Variants in MTBP observed in about 807,000 individuals in gnomAD.
The protein encoded by MTBP is MDM2 binding protein, also known as mdm2-binding protein.
Under a neutral mutation model 117.0 loss-of-function variants are expected in MTBP, and 101 were observed. That is an observed-to-expected ratio of 0.86 (90% CI 0.73 to 1.02). The LOEUF is 1.02. Ranked by LOEUF, MTBP falls within the 50% of genes least tolerant of loss-of-function variation. The pLI is 0.00. For missense variants in MTBP, 970 were observed against 1,030.9 expected (o/e 0.94, Z 0.81); for synonymous variants, 350 against 351.5 (o/e 1.00, Z 0.05).
intron 7 of MTBP, among the ~76,000 whole-genome samples, chr8:120,457,487 A>T (rs910143465): frequency 6.6e-6 from 1 of 152,158 alleles, no homozygotes; most frequent in South Asian, 2.1e-4. Flanking sequence ...ACCCTTAATA[A>T]TGGTTTAATA....
In MTBP at chr8:120,451,056, G is replaced by A. The variant is rs1813329683; in HGVS notation, c.253G>A (p.Ala85Thr). Residue 85 changes from alanine (A) to threonine (T), a missense_variant, in exon 3 of 22, where the codon GCA becomes ACA. Coordinates refer to ENST00000305949, the MANE Select transcript of MTBP (RefSeq NM_022045.5). ...CAAGAAGTGGTTCTTTGCAGTGCAGGCAATATATGGATTTTATCAGGTAAT... is the reference window on the plus strand; with the variant it reads ...CAAGAAGTGGTTCTTTGCAGTGCAGACAATATATGGATTTTATCAGGTAAT... ...GSKKWFFAVQAIYGFYQFCSS... is the reference protein window; with the variant it reads ...GSKKWFFAVQTIYGFYQFCSS... 6.2e-7 allele frequency: 1 copy of A among 1,611,922 alleles called. No individual in the cohort carries two copies. The highest frequency in any genetic ancestry group is 2.2e-5 in the East Asian group (1 of 44,782).
chr8:120,518,785 C>T lies in MTBP; in HGVS notation c.2578C>T (p.Arg860Cys), dbSNP rs974620841. The T allele has an allele frequency of 4.3e-6, 7 of 1,611,424 alleles. No homozygotes were observed. The East Asian group carries it at 6.7e-5, about 15-fold the overall frequency. ...THECFTACSQ[R>C]LFEISKFYLK... ...TGAATGTTTCACTGCATGCAGCCAG[C>T]GTCTCTTTGAAATCTCTAAGTTCTA... Residue 860 changes from arginine (R) to cysteine (C), a missense_variant, in exon 20 of 22, where the codon CGT becomes TGT. Transcript: ENST00000305949.
At chr8:120,507,564 G>A (rs992828998) in intron 16 of MTBP, among the ~76,000 whole-genome samples, 1 of 151,992 alleles carries the variant, frequency 6.6e-6, no homozygotes, top group African/African-American at 2.4e-5. Flanking sequence ...CTTAAAAATT[G>A]TAGATCACTT....
chr8:120,462,013 T>C (rs1813590710), intron 9 of MTBP, among the ~76,000 whole-genome samples: 1 of 152,152 alleles, frequency 6.6e-6, no homozygotes, highest in Non-Finnish European at 1.5e-5. Flanking sequence ...CTGAGAACTG[T>C]TTGTAGTCTA....
chr8:120,500,920 G>A lies in MTBP; in HGVS notation c.1610-1572G>A, dbSNP rs192589850. Among the ~76,000 whole-genome samples the A allele has an allele frequency of 8.0e-3, 1,216 of 151,896 alleles. 20 individuals carry two copies. The highest frequency in any genetic ancestry group is 0.027 in the African/African-American group (1,110 of 41,426). On this transcript the variant is annotated intron_variant, in intron 14 of 21. Transcript: ENST00000305949. ...AAAAATACAAAAATAGGCCAGGCGC[G>A]GTGGCTCACACCTGTAATCCCAGCA...
At chr8:120,509,705 A>G (rs1459084111) in intron 16 of MTBP, among the ~76,000 whole-genome samples, 29 of 152,236 alleles carry the variant, frequency 1.9e-4, no homozygotes, top group Non-Finnish European at 4.0e-4. Flanking sequence ...AGTTTTGTGC[A>G]ATAAATAACA....
At position 120,470,756 on chromosome 8, in the gene MTBP, A is replaced by G. The variant is rs925725882; in HGVS notation, c.1048-64A>G. On this transcript the variant is annotated intron_variant, in intron 10 of 21. Transcript: ENST00000305949. ...GTGAAATATGAGTGGAAAATTGTCA[A>G]CTGGCACTATTCAAGAATGAATCTC... is the stretch of plus-strand genomic sequence containing the variant. 61 of 1,179,706 alleles carry G rather than the reference A, an allele frequency of 5.2e-5. No individual in the cohort carries two copies. The African/African-American group carries it at 7.3e-4, about 14-fold the overall frequency. 73.1% of individuals were successfully genotyped at this position (1,179,706 alleles called of 1,614,324 possible). A position where few individuals can be genotyped will look rare whatever the true frequency, so the allele number is the denominator to read the frequency against.
intron 2 of MTBP, among the ~76,000 whole-genome samples, chr8:120,449,993 G>T (rs1486840308): frequency 1.3e-5 from 2 of 152,158 alleles, no homozygotes; most frequent in African/African-American, 4.8e-5. Context: ...TTGAGGAAGA[G>T]CTAAGAAAGT....
chr8:120,458,230 T>C (rs929225303), intron 7 of MTBP, among the ~76,000 whole-genome samples: 1 of 152,206 alleles, frequency 6.6e-6, no homozygotes, highest in Non-Finnish European at 1.5e-5. Flanking sequence ...TCTAGAGTTA[T>C]ATTGCCTACA....
At chr8:120,517,012 G>A (rs1053650080) in intron 18 of MTBP, among the ~76,000 whole-genome samples, 2 of 151,814 alleles carry the variant, frequency 1.3e-5, no homozygotes, top group African/African-American at 4.8e-5. Context: ...TACATTTGGG[G>A]TACTATATTT....
At position 120,451,105 on chromosome 8, in the gene MTBP, T is replaced by C. The variant is rs201377508; in HGVS notation, c.273+29T>C. 1.6e-4 allele frequency: 261 copies of C among 1,586,282 alleles called. 1 individual carries two copies. The African/African-American group carries it at 3.3e-3, about 20-fold the overall frequency. On this transcript the variant is annotated intron_variant, in intron 3 of 21. Coordinates refer to ENST00000305949, the MANE Select transcript of MTBP (RefSeq NM_022045.5). ...ATATAAATTTAAAGATAGCTACTAA[T>C]GAATGTCTTTACTAATATAAATAAT...
intron 10 of MTBP, among the ~76,000 whole-genome samples, chr8:120,467,644 G>A (rs1813726864): frequency 6.6e-6 from 1 of 152,096 alleles, no homozygotes; most frequent in Non-Finnish European, 1.5e-5. Flanking sequence ...ATGTTATTTG[G>A]CGTTTATATT....
intron 16 of MTBP, among the ~76,000 whole-genome samples, chr8:120,509,327 C>T (rs1563804496): frequency 6.6e-6 from 1 of 152,196 alleles, no homozygotes; most frequent in Non-Finnish European, 1.5e-5. Context: ...CTTGGCTGGA[C>T]GCAGTGGCTC....
At chr8:120,518,207 G>A (rs2130622506) in intron 19 of MTBP, 107 bp downstream of exon 19, 1 of 1,264,752 alleles carries the variant, frequency 7.9e-7, no homozygotes, top group Non-Finnish European at 1.1e-6. Context: ...ATGAAACGAT[G>A]TCTAGAATTT....
chr8:120,450,557 C>G (rs568213100), intron 2 of MTBP, among the ~76,000 whole-genome samples: 1 of 152,100 alleles, frequency 6.6e-6, no homozygotes, highest in Non-Finnish European at 1.5e-5. Flanking sequence ...TCTTCCTTAT[C>G]TTTAGACTGG....
chr8:120,498,016 G>A (rs958691983), intron 14 of MTBP, among the ~76,000 whole-genome samples: 3 of 152,152 alleles, frequency 2.0e-5, no homozygotes, highest in Admixed American at 2.0e-4. Context: ...AAATCATTTC[G>A]TTATTTAGTT....
intron 4 of MTBP, chr8:120,452,233 T>C (rs1311784023): frequency 6.6e-6 from 1 of 152,224 alleles, no homozygotes. Flanking sequence ...ACTGCTCTTA[T>C]TTTAGTATTC....
chr8:120,474,350 G>A (rs768528734), intron 11 of MTBP, among the ~76,000 whole-genome samples: 24 of 151,894 alleles, frequency 1.6e-4, no homozygotes, highest in Non-Finnish European at 2.5e-4. Context: ...CCTCTCTGTA[G>A]GATAAATTCT....
intron 14 of MTBP, among the ~76,000 whole-genome samples, chr8:120,498,862 T>C (rs921155128): frequency 2.1e-4 from 32 of 152,112 alleles, no homozygotes; most frequent in African/African-American, 7.5e-4. Flanking sequence ...CCAGAGGATG[T>C]GTATGGGAGA....
Sources: allele counts gnomAD v4.1 joint callset (sites outside exome capture counted in the v4.1 genomes callset), GRCh38; gene constraint gnomAD v4.1.1; transcripts MANE v1.5; gene names NCBI Gene and HGNC (gene_info 2026-07-23, HGNC 2026-07-21).